The following ADAMTSL1 variants were observed in gnomAD, a reference collection of about 807,000 sequenced individuals.
The protein encoded by ADAMTSL1 is ADAMTS like 1, also known as ADAMTS-like protein 1.
In ADAMTSL1, 126 loss-of-function variants were observed where a neutral mutation model predicts 201.8. The observed-to-expected ratio is 0.62, with a 90% CI of 0.54 to 0.72. The LOEUF (loss-of-function observed/expected upper bound fraction) is 0.72, where lower values mean the gene tolerates loss of function less well. ADAMTSL1 is among the 30% of genes least tolerant of loss of function. ADAMTSL1 has a pLI of 0.00. For synonymous variants in ADAMTSL1, 1,121 were observed against 903.4 expected, an observed-to-expected ratio of 1.24 and a Z score of -4.32; for missense variants, 2,679 against 2,277.8, an observed-to-expected ratio of 1.18 and a Z score of -3.59.
rs548122182 is a variant in ADAMTSL1, at chr9:18,403,637, A to G, written c.208-101192A>G. Among the ~76,000 whole-genome samples the G allele has an allele frequency of 1.8e-3, 275 of 152,316 alleles. 1 individual carries two copies. Among genetic ancestry groups the G allele is most frequent in the Non-Finnish European group, 2.9e-3 (198 of 68,034 alleles). ...TCATAGATAAATAAATGAATTAATT[A>G]ATAATTTTGGCACCCTAAAGACATT... On this transcript the variant is annotated intron_variant, in intron 2 of 29. Coordinates refer to the ADAMTSL1 transcript ENST00000680146.
At chr9:18,301,608 C>T (rs770839126) in intron 2 of ADAMTSL1, among the ~76,000 whole-genome samples, 1 of 152,180 alleles carries the variant, frequency 6.6e-6, no homozygotes, top group African/African-American at 2.4e-5. Flanking sequence ...TGTGATCTCT[C>T]TCTCAAAATC....
At chr9:18,032,651 T>C (rs1821016251) in intron 1 of ADAMTSL1, among the ~76,000 whole-genome samples, 1 of 152,094 alleles carries the variant, frequency 6.6e-6, no homozygotes, top group Non-Finnish European at 1.5e-5. Flanking sequence ...TGTGGTTCCG[T>C]TTTGCTGTAG....
At chr9:18,700,200 G>A (rs1486719923) in intron 13 of ADAMTSL1, among the ~76,000 whole-genome samples, 1 of 152,128 alleles carries the variant, frequency 6.6e-6, no homozygotes, top group African/African-American at 2.4e-5. Flanking sequence ...TAATATTATA[G>A]ATTTTACAAG....
chr9:18,052,739 A>G (rs922168544), intron 1 of ADAMTSL1, among the ~76,000 whole-genome samples: 1 of 152,056 alleles, frequency 6.6e-6, no homozygotes, highest in African/African-American at 2.4e-5. Flanking sequence ...CTATTTTAGG[A>G]GTCTTTTTAA....
chr9:18,622,492 G>T (rs570293657), intron 5 of ADAMTSL1, 123 bp downstream of exon 5: 3 of 1,419,722 alleles, frequency 2.1e-6, no homozygotes, highest in African/African-American at 1.4e-5. Flanking sequence ...ACCTGAAAAT[G>T]TAGAAGGCTT....
At chr9:18,868,596 C>T (rs1373665207) in intron 23 of ADAMTSL1, among the ~76,000 whole-genome samples, 1 of 152,196 alleles carries the variant, frequency 6.6e-6, no homozygotes, top group East Asian at 1.9e-4. Flanking sequence ...CTGGTCAGAA[C>T]TCAAAGGCCT....
intron 2 of ADAMTSL1, among the ~76,000 whole-genome samples, chr9:18,198,234 C>T: frequency 8.9e-6 from 1 of 111,854 alleles, no homozygotes; most frequent in African/African-American, 3.1e-5. Flanking sequence ...AAAGCAATGG[C>T]AACAAAAGCC....
intron 2 of ADAMTSL1, among the ~76,000 whole-genome samples, chr9:18,449,102 TG>T (rs759921618): frequency 2.9e-5 from 2 of 69,314 alleles, no homozygotes; most frequent in Non-Finnish European, 8.0e-5. Flanking sequence ...CATTTATTCA[TG>T]TGAGTGAGAA....
chr9:18,547,158 G>C (rs1820516192), intron 3 of ADAMTSL1, among the ~76,000 whole-genome samples: 1 of 152,114 alleles, frequency 6.6e-6, no homozygotes, highest in Admixed American at 6.6e-5. Context: ...GAAAATGTAT[G>C]TAAGACTTTG....
chr9:18,858,563 A>G (rs1289161385), intron 23 of ADAMTSL1, among the ~76,000 whole-genome samples: 3 of 152,370 alleles, frequency 2.0e-5, no homozygotes, highest in Admixed American at 1.3e-4. Context: ...TATTGTTTCC[A>G]GGCTTAGAAG....
At chr9:18,519,381 C>G (rs1392731720) in intron 2 of ADAMTSL1, among the ~76,000 whole-genome samples, 1 of 152,134 alleles carries the variant, frequency 6.6e-6, no homozygotes, top group Non-Finnish European at 1.5e-5. Context: ...AGGGCTGAAT[C>G]GCAAAGTCTC....
At chr9:18,528,977 T>A (rs544913679) in intron 2 of ADAMTSL1, among the ~76,000 whole-genome samples, 1 of 152,012 alleles carries the variant, frequency 6.6e-6, no homozygotes, top group Non-Finnish European at 1.5e-5. Context: ...AACGACCTGT[T>A]AAAAAAAAGA....
intron 2 of ADAMTSL1, among the ~76,000 whole-genome samples, chr9:18,323,917 T>C (rs1173093717): frequency 2.6e-5 from 4 of 152,188 alleles, no homozygotes; most frequent in Non-Finnish European, 5.9e-5. Flanking sequence ...AATTGACTTA[T>C]AGATTCAGTG....
At chr9:18,228,849 T>G (rs1265889771) in intron 2 of ADAMTSL1, among the ~76,000 whole-genome samples, 1 of 152,008 alleles carries the variant, frequency 6.6e-6, no homozygotes, top group Non-Finnish European at 1.5e-5. Context: ...TTTGTTTTTT[T>G]TTTTTTTGTA....
chr9:17,961,951 G>C (rs976723243), intron 1 of ADAMTSL1, among the ~76,000 whole-genome samples: 2 of 152,140 alleles, frequency 1.3e-5, no homozygotes, highest in Non-Finnish European at 2.9e-5. Context: ...CAAAAACATA[G>C]TAGCATTCAC....
At chr9:18,094,912 G>T (rs373598231) in intron 1 of ADAMTSL1, among the ~76,000 whole-genome samples, 2 of 151,680 alleles carry the variant, frequency 1.3e-5, no homozygotes, top group South Asian at 2.1e-4. Context: ...TCAGGTTCAG[G>T]CAAATGCCAC....
intron 3 of ADAMTSL1, among the ~76,000 whole-genome samples, chr9:18,550,803 C>T (rs1820753739): frequency 6.6e-6 from 1 of 151,828 alleles, no homozygotes; most frequent in Non-Finnish European, 1.5e-5. Flanking sequence ...AATCCAACTG[C>T]TGACCATAAC....
At chr9:17,972,719 G>A (rs1588501610) in intron 1 of ADAMTSL1, among the ~76,000 whole-genome samples, 1 of 150,504 alleles carries the variant, frequency 6.6e-6, no homozygotes, top group South Asian at 2.1e-4. Flanking sequence ...TCTAGTTCTA[G>A]ATCCCTGAGG....
At chr9:18,622,138 G>T (rs953245260) in intron 4 of ADAMTSL1, 105 bp from the exon 5 acceptor site, 71 of 1,416,324 alleles carry the variant, frequency 5.0e-5, no homozygotes, top group Non-Finnish European at 7.7e-6. Flanking sequence ...TATGTTTTAG[G>T]CCCCTCAGGG....
Sources: gnomAD v4.1 joint callset for allele counts (sites outside exome capture counted in the v4.1 genomes callset) on GRCh38, gnomAD v4.1.1 for gene constraint, MANE v1.5 for transcripts, NCBI Gene and HGNC (gene_info 2026-07-23, HGNC 2026-07-21) for gene names.